MYO16: variants seen among roughly 807,000 people sequenced by gnomAD.
MYO16 encodes the protein unconventional myosin-XVI.
In MYO16, 94 loss-of-function variants were observed where a neutral mutation model predicts 205.3. The observed-to-expected ratio is 0.46, with a 90% confidence interval of 0.39 to 0.54. MYO16 has a LOEUF of 0.54. Ranked by LOEUF, MYO16 falls within the 20% of genes least tolerant of loss-of-function variation. The pLI, the probability that MYO16 is intolerant of heterozygous loss-of-function variation, is 0.00. For synonymous variants in MYO16, 988 were observed against 954.0 expected, an observed-to-expected ratio of 1.04 and a Z score of -0.66; for missense variants, 2,315 against 2,387.5, an observed-to-expected ratio of 0.97 and a Z score of 0.63.
intron 23 of MYO16, 146 bp downstream of exon 23, chr13:109,020,057 T>C: frequency 1.3e-6 from 1 of 778,588 alleles, no homozygotes; most frequent in Non-Finnish European, 2.0e-6. Flanking sequence ...CTTTTCTAAG[T>C]GATTTTCTTT....
chr13:108,646,381 A>G (rs1381680716), intron 1 of MYO16, among the ~76,000 whole-genome samples: 2 of 152,198 alleles, frequency 1.3e-5, no homozygotes, highest in Non-Finnish European at 2.9e-5. Context: ...AGTTGACTCA[A>G]TTCAAACTCA....
At chr13:108,901,725 C>G (rs1880720626) in intron 15 of MYO16, among the ~76,000 whole-genome samples, 1 of 152,128 alleles carries the variant, frequency 6.6e-6, no homozygotes, top group Non-Finnish European at 1.5e-5. Context: ...TTCATAGCTT[C>G]CTGCTGTGTT....
intron 16 of MYO16, among the ~76,000 whole-genome samples, chr13:108,951,461 C>T (rs1043240216): frequency 6.6e-6 from 1 of 152,136 alleles, no homozygotes; most frequent in Admixed American, 6.6e-5. Context: ...GGACGCCTTC[C>T]CCAGGGCCTG....
rs950108503 is a variant in MYO16 at position 109,162,502 on chromosome 13, T to C, written c.5165-2399T>C. ...GCCTTTCTAAAATCACGAGCTGAAA[T>C]GCAACCTCATGGACCTCACCCACCT... On this transcript the variant is annotated intron_variant, in intron 32 of 34. Coordinates refer to ENST00000457511, the MANE Select transcript of MYO16 (RefSeq NM_001198950.3). The surrounding 1 kb of genome is among the most constrained non-coding windows in gnomAD (Gnocchi z 4.6). Among the ~76,000 whole-genome samples the C allele has an allele frequency of 6.6e-6, 1 of 152,166 alleles. No individual in the cohort carries two copies. The highest frequency in any genetic ancestry group is 6.5e-5 in the Admixed American group (1 of 15,278).
chr13:109,040,383 C>CAG lies in MYO16; in HGVS notation c.2797-6532_2797-6531insGA, dbSNP rs1482536301. ...GCATACACACACACACACACACACA[C>CAG]ACAGAGAGAGAGAGAGAGAGAGAGA... is the stretch of plus-strand genomic sequence containing the variant. On this transcript the variant is annotated intron_variant, in intron 23 of 34. Transcript: ENST00000457511. Among the ~76,000 whole-genome samples the CAG allele has an allele frequency of 9.3e-4, 65 of 70,066 alleles. No individual in the cohort carries two copies. The South Asian group carries it at 0.013, about 14-fold the overall frequency. The allele number at this position is 70,066 out of a possible 152,430, so 46.0% of individuals were successfully genotyped here.
At chr13:109,033,406 C>T (rs1440862661) in intron 23 of MYO16, among the ~76,000 whole-genome samples, 3 of 152,192 alleles carry the variant, frequency 2.0e-5, no homozygotes, top group Non-Finnish European at 4.4e-5. Context: ...ATTCTCTTTG[C>T]TTTCCTTTAT....
At chr13:108,877,626 T>C (rs1879388931) in intron 12 of MYO16, among the ~76,000 whole-genome samples, 1 of 152,216 alleles carries the variant, frequency 6.6e-6, no homozygotes, top group Admixed American at 6.5e-5. Context: ...ACGAGAGAGC[T>C]TTCCAACCTT....
At chr13:108,806,085 T>A (rs2138980364) in intron 6 of MYO16, among the ~76,000 whole-genome samples, 1 of 152,194 alleles carries the variant, frequency 6.6e-6, no homozygotes, top group African/African-American at 2.4e-5. Context: ...CACTCCAGCC[T>A]AGGTGACAGA....
At chr13:108,729,595 A>T (rs983761927) in intron 4 of MYO16, among the ~76,000 whole-genome samples, 1 of 152,126 alleles carries the variant, frequency 6.6e-6, no homozygotes, top group African/African-American at 2.4e-5. Flanking sequence ...AGCCGTGCCA[A>T]AAGAAGCTCT....
intron 32 of MYO16, among the ~76,000 whole-genome samples, chr13:109,157,769 G>A (rs560231193): frequency 6.6e-5 from 10 of 152,260 alleles, no homozygotes; most frequent in South Asian, 4.1e-4. Flanking sequence ...GAATAAAACC[G>A]TCAAAATTAG....
At chr13:109,013,505 G>C (rs1426364770) in intron 22 of MYO16, among the ~76,000 whole-genome samples, 1 of 152,188 alleles carries the variant, frequency 6.6e-6, no homozygotes, top group East Asian at 1.9e-4. Context: ...TGGTTCAAAT[G>C]GTATTTCTAG....
the MYO16 span, among the ~76,000 whole-genome samples, chr13:108,543,644 G>GAAAAAAAA: frequency 1.3e-5 from 1 of 77,500 alleles, no homozygotes. Context: ...TCCCTCTCAA[G>GAAAAAAAA]AAAAAAAAAA....
chr13:109,126,930 T>A (rs527956612), intron 30 of MYO16, among the ~76,000 whole-genome samples: 1 of 152,318 alleles, frequency 6.6e-6, no homozygotes, highest in East Asian at 1.9e-4. Context: ...GAAATTCTGG[T>A]TTTTTGATTT....
intron 20 of MYO16, among the ~76,000 whole-genome samples, chr13:108,983,003 GA>G (rs983000916): frequency 5.3e-5 from 8 of 149,824 alleles, no homozygotes; most frequent in Non-Finnish European, 8.9e-5. Context: ...TTTTAATTAA[GA>G]AAAAAAAACC....
At chr13:109,167,950 A>G (rs1000378161) in intron 33 of MYO16, among the ~76,000 whole-genome samples, 3 of 152,194 alleles carry the variant, frequency 2.0e-5, no homozygotes, top group African/African-American at 7.2e-5. Context: ...TAAAGGAAAG[A>G]ATAAAGAATA....
intron 31 of MYO16, among the ~76,000 whole-genome samples, chr13:109,130,334 G>GCA (rs766827502): frequency 6.6e-6 from 1 of 152,162 alleles, no homozygotes; most frequent in Non-Finnish European, 1.5e-5. Context: ...GCAAGTGTAT[G>GCA]CATTGTTTCC....
intron 31 of MYO16, among the ~76,000 whole-genome samples, chr13:109,130,178 T>C (rs921054340): frequency 2.0e-5 from 3 of 152,204 alleles, no homozygotes; most frequent in African/African-American, 4.8e-5. Context: ...CATCATGTGA[T>C]AGCATTAGGC....
chr13:109,184,608 T>G (rs1483101923), intron 34 of MYO16, among the ~76,000 whole-genome samples: 1 of 152,024 alleles, frequency 6.6e-6, no homozygotes, highest in African/African-American at 2.4e-5. Context: ...TTTTTGTTTG[T>G]GTGTGTGTTT....
intron 1 of MYO16, among the ~76,000 whole-genome samples, chr13:108,614,926 G>A (rs1421039849): frequency 1.6e-5 from 2 of 124,490 alleles, no homozygotes; most frequent in Non-Finnish European, 3.5e-5. Context: ...TAGATATCAT[G>A]CCAAAATCAC....
Sources: allele counts gnomAD v4.1 joint callset (sites outside exome capture counted in the v4.1 genomes callset), GRCh38; gene constraint gnomAD v4.1.1; non-coding constraint Gnocchi (gnomAD v3.1); transcripts MANE v1.5; gene names NCBI Gene and HGNC (gene_info 2026-07-23, HGNC 2026-07-21).